The following DGAT1 variants were observed in gnomAD, a reference collection of about 807,000 sequenced individuals.
The protein encoded by DGAT1 is ACAT related gene product 1.
Under a neutral mutation model 72.6 loss-of-function variants are expected in DGAT1, and 60 were observed. The ratio of observed to expected loss-of-function variants is 0.83; its 90% CI spans 0.67 to 1.02. The LOEUF (loss-of-function observed/expected upper bound fraction) is 1.02, where lower values mean the gene tolerates loss of function less well. Ranked by LOEUF, DGAT1 falls within the 50% of genes least tolerant of loss-of-function variation. The pLI is 0.00. For synonymous variants in DGAT1, 290 were observed against 267.5 expected, an observed-to-expected ratio of 1.08 and a Z score of -0.82; for missense variants, 592 against 670.0, an observed-to-expected ratio of 0.88 and a Z score of 1.29.
rs561773207 is a variant in DGAT1 at position 144,326,647 on chromosome 8, C to A, written c.-11G>T. On this transcript the variant is annotated 5_prime_UTR_variant, in exon 1 of 17. Transcript: ENST00000528718. ...GCCGCGGTCGCCCATGGCCTCAGCCCGCACCCGGCCGCAGCCAAGCGTGGG... is the reference window on the plus strand; with the variant it reads ...GCCGCGGTCGCCCATGGCCTCAGCCAGCACCCGGCCGCAGCCAAGCGTGGG... 1.4e-4 allele frequency: 171 copies of A among 1,187,610 alleles called. 2 individuals carry two copies. In the African/African-American group the frequency reaches 2.7e-3, roughly 19 times the overall value. 73.6% of individuals were successfully genotyped at this position (1,187,610 alleles called of 1,614,324 possible). A position where few individuals can be genotyped will look rare whatever the true frequency, so the allele number is the denominator to read the frequency against.
Position 144,319,022 on chromosome 8 carries a change from A to T in DGAT1, c.329+6T>A. 6.4e-7 allele frequency: 1 copy of T among 1,558,778 alleles called. No individual in the cohort carries two copies. Among genetic ancestry groups the T allele is most frequent in the Non-Finnish European group, 8.7e-7 (1 of 1,151,344 alleles). The stretch of plus-strand genomic sequence containing the variant: ...GGCAGGGGTGGGACCTGGCAAAGGC[A>T]CTCACTTGATGAGGTTCTCCAGAAA... On this transcript the variant is annotated splice_donor_region_variant and intron_variant, in intron 3 of 16. Coordinates refer to ENST00000528718, the MANE Select transcript of DGAT1 (RefSeq NM_012079.6).
In DGAT1 at chr8:144,314,740, C is replaced by T; in HGVS notation, c.*1814G>A. On this transcript the variant is annotated 3_prime_UTR_variant, in exon 17 of 17. Transcript: ENST00000528718. ...CTATGCTATGGCCTCCATGTGTTTC[C>T]TCTGTCCCAGGGTGGTGCGGTGGGT... The T allele has an allele frequency of 4.2e-6, 1 of 239,718 alleles. No individual in the cohort carries two copies. Among genetic ancestry groups the T allele is most frequent in the Non-Finnish European group, 7.6e-6 (1 of 131,134 alleles). 14.8% of individuals were successfully genotyped at this position (239,718 alleles called of 1,614,324 possible).
Position 144,316,326 on chromosome 8 carries a change from G to T in DGAT1, c.*228C>A. On this transcript the variant is annotated 3_prime_UTR_variant, in exon 17 of 17. Coordinates refer to ENST00000528718, the MANE Select transcript of DGAT1 (RefSeq NM_012079.6). Reference sequence around the variant, plus strand: ...GCACTTTATTGACACCCTCGGACCCGGGGCAGGGTCAGCAAGACTCCCAGC... The same window carrying T: ...GCACTTTATTGACACCCTCGGACCCTGGGCAGGGTCAGCAAGACTCCCAGC... 1 of 593,110 alleles carries T rather than the reference G, an allele frequency of 1.7e-6. No individual in the cohort carries two copies. Among genetic ancestry groups the T allele is most frequent in the Non-Finnish European group, 2.9e-6 (1 of 346,582 alleles). 36.7% of individuals were successfully genotyped at this position (593,110 alleles called of 1,614,324 possible). A position where few individuals can be genotyped will look rare whatever the true frequency, so the allele number is the denominator to read the frequency against.
intron 1 of DGAT1, among the ~76,000 whole-genome samples, chr8:144,323,530 G>A (rs1238278216): frequency 1.3e-5 from 2 of 152,188 alleles, no homozygotes; most frequent in Non-Finnish European, 2.9e-5. Context: ...CAGGCTGCAT[G>A]GAACGGCATG....
rs1395184737 is a variant in DGAT1, at chr8:144,316,104, G to A, written c.*450C>T. 3.5e-5 allele frequency: 8 copies of A among 231,660 alleles called. No homozygotes were observed. The highest frequency in any genetic ancestry group is 1.1e-4 in the South Asian group (1 of 8,826). 14.4% of individuals were successfully genotyped at this position (231,660 alleles called of 1,614,324 possible). A position where few individuals can be genotyped will look rare whatever the true frequency, so the allele number is the denominator to read the frequency against. ...CCTGAGCTGAGCTTTTCTAGGTAGG[G>A]GAGTGTGGGGAATGGGGGCGTCTGC... On this transcript the variant is annotated 3_prime_UTR_variant, in exon 17 of 17. Transcript: ENST00000528718.
rs991482917 is a variant in DGAT1, at chr8:144,315,166, C to T, written c.*1388G>A. 1 of 985,496 alleles carries T rather than the reference C, an allele frequency of 1.0e-6. No individual in the cohort carries two copies. Among genetic ancestry groups the T allele is most frequent in the Non-Finnish European group, 1.2e-6 (1 of 829,964 alleles). The allele number at this position is 985,496 out of a possible 1,614,324, so 61.0% of individuals were successfully genotyped here. A position where few individuals can be genotyped will look rare whatever the true frequency, so the allele number is the denominator to read the frequency against. The stretch of plus-strand genomic sequence containing the variant: ...CAGGCTTTGCTGCTTTATCTGGCAG[C>T]AACAGTTTGTTCTCGAGCTCCACTG... On this transcript the variant is annotated 3_prime_UTR_variant, in exon 17 of 17. Transcript: ENST00000528718.
At chr8:144,321,277 C>G (rs782485895) in intron 2 of DGAT1, 44 bp downstream of exon 2, 2 of 1,583,604 alleles carry the variant, frequency 1.3e-6, no homozygotes, top group Admixed American at 3.3e-5. Context: ...GGGACAGAGC[C>G]CCACCTGGAC....
intron 13 of DGAT1, 31 bp downstream of exon 13, chr8:144,317,302 C>A (rs782419198): frequency 6.2e-7 from 1 of 1,613,284 alleles, no homozygotes; most frequent in African/African-American, 1.3e-5. Flanking sequence ...TGGCCCATCC[C>A]AGCCCCCAGG....
rs1554847146 is a variant in DGAT1 at position 144,316,909 on chromosome 8, C to G, written c.1255G>C (p.Val419Leu). Reference sequence around the variant, plus strand: ...CGGAACATTCGCAGAGGGACGCTCACCAGGTACTGAGATGGGAGGGAGAGA... The same window carrying G: ...CGGAACATTCGCAGAGGGACGCTCAGCAGGTACTGAGATGGGAGGGAGAGA... ...LASAFFHEYL[V>L]SVPLRMFRLW... Residue 419 changes from valine to leucine, a missense_variant, in exon 16 of 17, where the codon GTG becomes CTG. Physicochemically the swap from Val to Leu is conservative, Grantham distance 32 (BLOSUM62 1). Coordinates refer to ENST00000528718, the MANE Select transcript of DGAT1 (RefSeq NM_012079.6). 1 of 1,612,474 alleles carries G rather than the reference C, an allele frequency of 6.2e-7. No homozygotes were observed. Among genetic ancestry groups the G allele is most frequent in the East Asian group, 2.2e-5 (1 of 44,876 alleles).
intron 2 of DGAT1, 40 bp from the exon 3 acceptor site, chr8:144,319,108 TG>T: frequency 1.3e-6 from 2 of 1,550,118 alleles, no homozygotes; most frequent in Non-Finnish European, 1.7e-6. Context: ...CCTTTAGTCC[TG>T]GCCACAGGGT....
In DGAT1 at chr8:144,316,185, C is replaced by G; in HGVS notation, c.*369G>C. On this transcript the variant is annotated 3_prime_UTR_variant, in exon 17 of 17. Coordinates refer to ENST00000528718, the MANE Select transcript of DGAT1 (RefSeq NM_012079.6). ...CCGCCCTGCTGCAGTGGAGCTGCTG[C>G]TCCCCGGCAGGTCCTGGGACAGCTG... is the stretch of plus-strand genomic sequence containing the variant. 1 of 218,998 alleles carries G rather than the reference C, an allele frequency of 4.6e-6. No homozygotes were observed. Among genetic ancestry groups the G allele is most frequent in the Non-Finnish European group, 9.1e-6 (1 of 110,264 alleles). The allele number at this position is 218,998 out of a possible 1,614,324, so 13.6% of individuals were successfully genotyped here. A position where few individuals can be genotyped will look rare whatever the true frequency, so the allele number is the denominator to read the frequency against.
intron 2 of DGAT1, among the ~76,000 whole-genome samples, chr8:144,320,004 C>T (rs1323743266): frequency 1.3e-5 from 2 of 152,228 alleles, no homozygotes; most frequent in African/African-American, 4.8e-5. Flanking sequence ...GCTACTGCCC[C>T]GCCTCCCCCG....
In DGAT1 at chr8:144,316,388, C is replaced by T; in HGVS notation, c.*166G>A. The T allele has an allele frequency of 2.3e-6, 2 of 882,816 alleles. No individual in the cohort carries two copies. The highest frequency in any genetic ancestry group is 3.3e-6 in the Non-Finnish European group (2 of 597,810). 54.7% of individuals were successfully genotyped at this position (882,816 alleles called of 1,614,324 possible). A position where few individuals can be genotyped will look rare whatever the true frequency, so the allele number is the denominator to read the frequency against. On this transcript the variant is annotated 3_prime_UTR_variant, in exon 17 of 17. Transcript: ENST00000528718. ...TGTGTCTGGCCTGCTGTCGCCATCC[C>T]TGAGGGGTGCAGGACAGAGCCCCAT...
chr8:144,322,311 ACCC>A (rs1383605090), intron 1 of DGAT1, among the ~76,000 whole-genome samples: 1 of 151,948 alleles, frequency 6.6e-6, no homozygotes. Flanking sequence ...GGCCCGCCTC[ACCC>A]CCCATCTGCC....
intron 2 of DGAT1, among the ~76,000 whole-genome samples, 191 bp from the exon 3 acceptor site, chr8:144,319,259 G>A (rs1204584829): frequency 6.6e-6 from 1 of 152,216 alleles, no homozygotes; most frequent in Non-Finnish European, 1.5e-5. Flanking sequence ...CAACACCAGT[G>A]CTGGGTAAGG....
Position 144,314,972 on chromosome 8 carries a change from C to T in DGAT1, c.*1582G>A, listed in dbSNP as rs986463961. 1.5e-5 allele frequency: 15 copies of T among 985,786 alleles called. No individual in the cohort carries two copies. In the African/African-American group the frequency reaches 2.1e-4, roughly 14 times the overall value. The allele number at this position is 985,786 out of a possible 1,614,324, so 61.1% of individuals were successfully genotyped here. A position where few individuals can be genotyped will look rare whatever the true frequency, so the allele number is the denominator to read the frequency against. On this transcript the variant is annotated 3_prime_UTR_variant, in exon 17 of 17. Transcript: ENST00000528718. ...TTGTCACAGGACCACCAGGAACCCC[C>T]TTCCCAAGGTGTTCGCACTCGGACA... is the stretch of plus-strand genomic sequence containing the variant.
In DGAT1 at chr8:144,317,122, G is replaced by A. The variant is rs782784781; in HGVS notation, c.1161-13C>T. The A allele has an allele frequency of 9.9e-6, 16 of 1,612,630 alleles. No individual in the cohort carries two copies. Among genetic ancestry groups the A allele is most frequent in the Non-Finnish European group, 1.4e-5 (16 of 1,179,624 alleles). ...CTTGTAGAAGTGTCTGCAGAGGAGG[G>A]GGCATGGAAAGCGGTTCAGGTTCAC... On this transcript the variant is annotated splice_polypyrimidine_tract_variant and intron_variant, in intron 14 of 16. Transcript: ENST00000528718.
In DGAT1 at chr8:144,316,893, C is replaced by T. The variant is rs782284944; in HGVS notation, c.1271G>A (p.Arg424Gln). Residue 424 changes from arginine to glutamine, a missense_variant, in exon 16 of 17, where the codon CGA becomes CAA. Physicochemically the swap from Arg to Gln is conservative, Grantham distance 43. Coordinates refer to ENST00000528718, the MANE Select transcript of DGAT1 (RefSeq NM_012079.6). ...CGTGAACGCCCAGAGGCGGAACATT[C>T]GCAGAGGGACGCTCACCAGGTACTG... Reference protein sequence around the residue: ...FHEYLVSVPLRMFRLWAFTGM... With the variant: ...FHEYLVSVPLQMFRLWAFTGM... 6 of 1,612,012 alleles carry T rather than the reference C, an allele frequency of 3.7e-6. No homozygotes were observed. Among genetic ancestry groups the T allele is most frequent in the East Asian group, 2.2e-5 (1 of 44,832 alleles).
intron 1 of DGAT1, among the ~76,000 whole-genome samples, chr8:144,324,504 G>A (rs1443971290): frequency 1.3e-5 from 2 of 152,172 alleles, no homozygotes; most frequent in Admixed American, 1.3e-4. Flanking sequence ...TGGAGACCCA[G>A]GAGCAGATAG....
Sources: allele counts gnomAD v4.1 joint callset (sites outside exome capture counted in the v4.1 genomes callset), GRCh38; gene constraint gnomAD v4.1.1; transcripts MANE v1.5; gene names NCBI Gene and HGNC (gene_info 2026-07-23, HGNC 2026-07-21).